DCC: variants seen among roughly 807,000 people sequenced by gnomAD.
DCC encodes the protein netrin receptor DCC.
A neutral mutation model predicts 172.5 loss-of-function variants in DCC; 58 were observed. That is an observed-to-expected ratio of 0.34 (90% CI 0.27 to 0.42). DCC has a LOEUF of 0.42. Ranked by LOEUF, DCC falls within the 10% of genes least tolerant of loss-of-function variation. DCC has a pLI of 1.00. For missense variants in DCC, 1,740 were observed against 1,791.0 expected, an observed-to-expected ratio of 0.97 and a Z score of 0.51; for synonymous variants, 709 against 644.5, an observed-to-expected ratio of 1.10 and a Z score of -1.52.
chr18:52,859,998 G>T (rs1024540048), intron 2 of DCC, among the ~76,000 whole-genome samples: 1 of 152,222 alleles, frequency 6.6e-6, no homozygotes, highest in African/African-American at 2.4e-5. Flanking sequence ...CAGTTTTGTA[G>T]TCCAGAGAGT....
intron 2 of DCC, among the ~76,000 whole-genome samples, chr18:52,885,840 T>TA (rs1366367541): frequency 2.6e-5 from 4 of 152,180 alleles, no homozygotes; most frequent in Non-Finnish European, 5.9e-5. Context: ...TGTTGGTTAT[T>TA]AAGGGCTTAA....
intron 1 of DCC, among the ~76,000 whole-genome samples, chr18:52,552,238 G>A (rs1469368593): frequency 1.3e-5 from 2 of 151,986 alleles, no homozygotes; most frequent in Admixed American, 6.6e-5. Context: ...ACAGGAATTA[G>A]GAGGGCAAAG....
In DCC at chr18:53,517,438, TAAAATATA is replaced by T. The variant is rs1183560509; in HGVS notation, c.4112-9177_4112-9170del. Among the ~76,000 whole-genome samples, 5 of 124,574 alleles carry T rather than the reference TAAAATATA, an allele frequency of 4.0e-5. No homozygotes were observed. The East Asian group carries it at 6.4e-4, about 16-fold the overall frequency. 81.7% of individuals were successfully genotyped at this position (124,574 alleles called of 152,430 possible). A position where few individuals can be genotyped will look rare whatever the true frequency, so the allele number is the denominator to read the frequency against. On this transcript the variant is annotated intron_variant, in intron 27 of 28. Transcript: ENST00000442544. ...CAATGTGCACATGTACCCTAAAACT[TAAAATATA>T]ATAATAATAATAATAATAATAATAA...
At chr18:52,918,953 A>AT (rs1212138712) in intron 3 of DCC, among the ~76,000 whole-genome samples, 1 of 152,198 alleles carries the variant, frequency 6.6e-6, no homozygotes, top group Non-Finnish European at 1.5e-5. Context: ...GTAATGATTT[A>AT]TGATTTCTTA....
At chr18:52,869,225 AG>A (rs1205306959) in intron 2 of DCC, among the ~76,000 whole-genome samples, 3 of 152,206 alleles carry the variant, frequency 2.0e-5, no homozygotes, top group Admixed American at 6.5e-5. Flanking sequence ...AGACAAGTGG[AG>A]GGTGAGCAAG....
chr18:52,849,297 A>C (rs544203534), intron 2 of DCC, among the ~76,000 whole-genome samples: 4 of 152,240 alleles, frequency 2.6e-5, no homozygotes, highest in African/African-American at 9.6e-5. Context: ...TCAGTTAATT[A>C]TGTGTTGTTT....
chr18:52,674,717 T>C (rs1250064637), intron 1 of DCC, among the ~76,000 whole-genome samples: 2 of 152,324 alleles, frequency 1.3e-5, no homozygotes, highest in East Asian at 3.9e-4. Context: ...CCTACTTTAG[T>C]ACCATCTCCA....
At chr18:52,583,397 G>T (rs937946515) in intron 1 of DCC, among the ~76,000 whole-genome samples, 3 of 152,100 alleles carry the variant, frequency 2.0e-5, no homozygotes, top group African/African-American at 7.2e-5. Context: ...CAAAATATCA[G>T]AAATTAACTG....
At chr18:53,251,134 T>C (rs1324979146) in intron 12 of DCC, among the ~76,000 whole-genome samples, 3 of 151,934 alleles carry the variant, frequency 2.0e-5, no homozygotes, top group African/African-American at 2.4e-5. Flanking sequence ...CTGATCTGAT[T>C]ATTAGAATCT....
intron 2 of DCC, among the ~76,000 whole-genome samples, chr18:52,849,266 C>T (rs1047306524): frequency 1.3e-5 from 2 of 152,172 alleles, no homozygotes; most frequent in Admixed American, 6.5e-5. Flanking sequence ...CTGTTTCCAT[C>T]TGCCCTAGGT....
At chr18:53,320,224 C>T (rs1050178565) in intron 13 of DCC, among the ~76,000 whole-genome samples, 1 of 151,878 alleles carries the variant, frequency 6.6e-6, no homozygotes, top group African/African-American at 2.4e-5. Flanking sequence ...AGGCGCCCAC[C>T]ACCACTCCCA....
chr18:53,127,602 G>A (rs1394643076), intron 7 of DCC, among the ~76,000 whole-genome samples: 1 of 152,084 alleles, frequency 6.6e-6, no homozygotes, highest in East Asian at 1.9e-4. Flanking sequence ...ATCTGTTTAT[G>A]TTTGGCAGAA....
intron 1 of DCC, among the ~76,000 whole-genome samples, chr18:52,592,484 A>G (rs1290352071): frequency 6.6e-6 from 1 of 152,220 alleles, no homozygotes; most frequent in Non-Finnish European, 1.5e-5. Flanking sequence ...AATTCACTTT[A>G]CAAAGGCTCA....
chr18:52,659,171 C>A (rs2035311643), intron 1 of DCC, among the ~76,000 whole-genome samples: 1 of 152,054 alleles, frequency 6.6e-6, no homozygotes. Context: ...GAACTCAGTA[C>A]AATGTTCAGA....
intron 26 of DCC, among the ~76,000 whole-genome samples, chr18:53,492,885 G>C (rs907501860): frequency 3.3e-5 from 5 of 152,144 alleles, no homozygotes; most frequent in African/African-American, 1.2e-4. Context: ...TGATGGGGTA[G>C]CGTTGAATCT....
intron 13 of DCC, among the ~76,000 whole-genome samples, chr18:53,312,805 T>C (rs1187061233): frequency 3.0e-4 from 8 of 27,064 alleles, no homozygotes; most frequent in Admixed American, 6.8e-4. Context: ...CAAGACACTG[T>C]CTCAAAAAAA....
rs1417831510 is a variant in DCC, at chr18:53,351,328, ATATACAGTG to A, written c.2359+11426_2359+11434del. On this transcript the variant is annotated intron_variant, in intron 15 of 28. Transcript: ENST00000442544. ...ATATATATATATACACTGTATATATATATACAGTGTATATATATATACACAGTATATATA... is the reference window on the plus strand; with the variant it reads ...ATATATATATATACACTGTATATATATATATATATATACACAGTATATATA... 3.3e-3 allele frequency among the ~76,000 whole-genome samples: 163 copies of A among 48,918 alleles called. 10 individuals are homozygous for A. Among genetic ancestry groups the A allele is most frequent in the African/African-American group, 8.6e-3 (112 of 12,982 alleles). 32.1% of individuals were successfully genotyped at this position (48,918 alleles called of 152,430 possible).
At chr18:52,600,927 T>C (rs2034004968) in intron 1 of DCC, among the ~76,000 whole-genome samples, 1 of 152,170 alleles carries the variant, frequency 6.6e-6, no homozygotes, top group Admixed American at 6.5e-5. Flanking sequence ...TGGGATTTAC[T>C]ATATAACCCA....
intron 1 of DCC, among the ~76,000 whole-genome samples, chr18:52,717,013 T>A (rs7235079): frequency 0.98 from 149,037 of 152,260 alleles, 73,014 homozygotes; most frequent in East Asian, 1. Flanking sequence ...GCCAAGTATG[T>A]TCTGCCTATT....
Sources: allele counts gnomAD v4.1 joint callset (sites outside exome capture counted in the v4.1 genomes callset), GRCh38; gene constraint gnomAD v4.1.1; transcripts MANE v1.5; gene names NCBI Gene and HGNC (gene_info 2026-07-23, HGNC 2026-07-21).